Variants in COL6A5 observed in about 807,000 individuals in gnomAD.
COL6A5 encodes collagen alpha-5(VI) chain.
COL6A5 carries 48 observed loss-of-function variants against 65.6 expected under a neutral mutation model. The ratio of observed to expected loss-of-function variants is 0.73; its 90% CI spans 0.58 to 0.93. The LOEUF (loss-of-function observed/expected upper bound fraction) is 0.93. Among genes scored for constraint, COL6A5 ranks in the 40% least tolerant of loss-of-function variants. The pLI, the probability that COL6A5 is intolerant of heterozygous loss-of-function variation, is 0.00. For missense variants in COL6A5, 914 were observed against 928.3 expected, an observed-to-expected ratio of 0.98 and a Z score of 0.20; for synonymous variants, 291 against 322.8, an observed-to-expected ratio of 0.90 and a Z score of 1.05.
At chr3:130,378,709 C>A (rs965829069) in intron 3 of COL6A5, among the ~76,000 whole-genome samples, 1 of 152,104 alleles carries the variant, frequency 6.6e-6, no homozygotes, top group African/African-American at 2.4e-5. Context: ...ATTCCTCTTC[C>A]TTCAGAACTC....
At chr3:130,480,819 A>T in intron 7 of COL6A5, among the ~76,000 whole-genome samples, 1 of 152,098 alleles carries the variant, frequency 6.6e-6, no homozygotes, top group Admixed American at 6.6e-5. Flanking sequence ...AATCCAACAC[A>T]GAGTTGAGAA....
At chr3:130,379,440 G>T in exon 4 of COL6A5, 1 of 1,551,072 alleles carries the variant, frequency 6.4e-7, no homozygotes, top group Non-Finnish European at 8.7e-7. Context: ...TATCCTGTCA[G>T]AAAGATTCAC....
intron 6 of COL6A5, among the ~76,000 whole-genome samples, chr3:130,389,484 G>A (rs562405944): frequency 6.6e-6 from 1 of 151,180 alleles, no homozygotes; most frequent in South Asian, 2.1e-4. Context: ...GGCTATCTAT[G>A]ACCATTGTTA....
At chr3:130,422,531 A>T (rs932409964) in intron 27 of COL6A5, among the ~76,000 whole-genome samples, 189 bp from the exon 28 acceptor site, 8 of 152,018 alleles carry the variant, frequency 5.3e-5, no homozygotes, top group African/African-American at 1.9e-4. Context: ...AATTAAAAAT[A>T]GTTTGAAGAA....
intron 1 of COL6A5, among the ~76,000 whole-genome samples, chr3:130,368,409 C>T (rs1220037992): frequency 6.6e-6 from 1 of 152,126 alleles, no homozygotes; most frequent in Non-Finnish European, 1.5e-5. Context: ...GCAAATACTT[C>T]TTGAGAACCT....
At chr3:130,409,483 A>C in intron 18 of COL6A5, 95 bp downstream of exon 18, 1 of 1,076,984 alleles carries the variant, frequency 9.3e-7, no homozygotes, top group Non-Finnish European at 1.3e-6. Flanking sequence ...CCTGTAGGCA[A>C]ATGGTTGTCT....
chr3:130,427,004 G>A (rs187462226), upstream of COL6A5, among the ~76,000 whole-genome samples: 3 of 152,270 alleles, frequency 2.0e-5, no homozygotes, highest in African/African-American at 7.2e-5. Flanking sequence ...ATATATGATT[G>A]TTGGAATATT....
At chr3:130,356,033 T>C (rs1403258602) in intron 1 of COL6A5, among the ~76,000 whole-genome samples, 1 of 152,182 alleles carries the variant, frequency 6.6e-6, no homozygotes, top group Non-Finnish European at 1.5e-5. Flanking sequence ...GCATACTTTT[T>C]TCTGCCCTCC....
chr3:130,467,170 T>C (rs1335286912), intron 5 of COL6A5, among the ~76,000 whole-genome samples: 1 of 151,962 alleles, frequency 6.6e-6, no homozygotes, highest in Non-Finnish European at 1.5e-5. Flanking sequence ...GATATTTTGA[T>C]AGAAGCAGTC....
exon 6 of COL6A5, chr3:130,389,007 A>G (rs1936298800): frequency 6.5e-7 from 1 of 1,545,078 alleles, no homozygotes; most frequent in Non-Finnish European, 8.7e-7. Context: ...CTGTAGGAGT[A>G]TACAATGCCA....
In COL6A5 at chr3:130,474,497, G is replaced by A. The variant is rs375050917; in HGVS notation, c.2328+3530G>A. Among the ~76,000 whole-genome samples the A allele has an allele frequency of 3.7e-4, 57 of 152,138 alleles. No individual in the cohort carries two copies. The South Asian group carries it at 0.011, about 30-fold the overall frequency. On this transcript the variant is annotated intron_variant, in intron 7 of 7. Transcript: ENST00000512836. ...ATGCCAACCTCAAGGTGACTCTAAT[G>A]TTAATGATCAAAGACATTAAAGTAG...
chr3:130,373,905 G>C (rs1935660608), intron 2 of COL6A5, among the ~76,000 whole-genome samples, 200 bp downstream of exon 2: 1 of 152,078 alleles, frequency 6.6e-6, no homozygotes, highest in South Asian at 2.1e-4. Context: ...TGTTGCACCT[G>C]GCTAGAAAAA....
At chr3:130,351,861 T>C (rs4688877) in intron 1 of COL6A5, among the ~76,000 whole-genome samples, 78,026 of 151,992 alleles carry the variant, frequency 0.51, 22,715 homozygotes, top group Non-Finnish European at 0.66. Flanking sequence ...TGCACACGTA[T>C]GTTTATTGTG....
intron 1 of COL6A5, among the ~76,000 whole-genome samples, chr3:130,347,826 G>T (rs1934551291): frequency 6.6e-6 from 1 of 152,248 alleles, no homozygotes; most frequent in South Asian, 2.1e-4. Flanking sequence ...TGTCAATCTT[G>T]TAGGATCTCA....
chr3:130,380,842 TTTTTCTG>T (rs1339379881), intron 4 of COL6A5, among the ~76,000 whole-genome samples: 1 of 152,104 alleles, frequency 6.6e-6, no homozygotes, highest in Non-Finnish European at 1.5e-5. Context: ...GTAAGATTAT[TTTTTCTG>T]TTTCACAAAT....
At chr3:130,407,933 C>A (rs1209839657) in intron 17 of COL6A5, among the ~76,000 whole-genome samples, 1 of 152,170 alleles carries the variant, frequency 6.6e-6, no homozygotes, top group African/African-American at 2.4e-5. Context: ...AATGAATACT[C>A]TTATAATTTC....
chr3:130,392,721 C>G (rs984691928), intron 7 of COL6A5, among the ~76,000 whole-genome samples: 9 of 152,116 alleles, frequency 5.9e-5, no homozygotes, highest in Non-Finnish European at 1.3e-4. Flanking sequence ...TGTAACTTGT[C>G]CAACTCCAAA....
intron 4 of COL6A5, among the ~76,000 whole-genome samples, chr3:130,445,317 T>G (rs1395619061): frequency 1.3e-5 from 2 of 152,248 alleles, no homozygotes; most frequent in Admixed American, 1.3e-4. Flanking sequence ...TCCAGATTCC[T>G]TCTCGAGCTC....
At chr3:130,387,595 T>A (rs1936238809) in intron 5 of COL6A5, among the ~76,000 whole-genome samples, 1 of 152,064 alleles carries the variant, frequency 6.6e-6, no homozygotes, top group Admixed American at 6.6e-5. Context: ...TCCTGGTGGA[T>A]CAGAATGTGA....
Sources: allele counts gnomAD v4.1 joint callset (sites outside exome capture counted in the v4.1 genomes callset), GRCh38; gene constraint gnomAD v4.1.1; transcripts MANE v1.5; gene names NCBI Gene and HGNC (gene_info 2026-07-23, HGNC 2026-07-21).